Variants in LUZP2 observed in about 807,000 individuals in gnomAD.
LUZP2 encodes leucine zipper protein 2.
A neutral mutation model predicts 51.6 loss-of-function variants in LUZP2; 52 were observed. That is an observed-to-expected ratio of 1.01 (90% CI 0.81 to 1.27). The LOEUF (loss-of-function observed/expected upper bound fraction) is 1.27, where lower values mean the gene tolerates loss of function less well. LUZP2 is among the 50% of genes most tolerant of loss of function. The pLI is 0.00. For missense variants in LUZP2, 436 were observed against 395.4 expected, an observed-to-expected ratio of 1.10 and a Z score of -0.87; for synonymous variants, 154 against 137.3, an observed-to-expected ratio of 1.12 and a Z score of -0.85.
intron 1 of LUZP2, among the ~76,000 whole-genome samples, chr11:24,695,782 A>AT (rs1857227780): frequency 1.3e-5 from 2 of 152,096 alleles, no homozygotes; most frequent in Non-Finnish European, 2.9e-5. Context: ...TTAAATGCTA[A>AT]AATACATAAT....
chr11:24,763,297 C>G lies in LUZP2; in HGVS notation c.385C>G (p.Leu129Val). Reference protein sequence around the residue: ...VERKSKMIRDLQNENKSLKNK... With the variant: ...VERKSKMIRDVQNENKSLKNK... ...AAGAAAGAGCAAAATGATCCGAGACCTCCAGAATGAGGTAAGATATATTTC... is the reference window on the plus strand; with the variant it reads ...AAGAAAGAGCAAAATGATCCGAGACGTCCAGAATGAGGTAAGATATATTTC... Residue 129 changes from leucine (L) to valine (V), a missense_variant, in exon 5 of 12, where the codon CTC (leucine) becomes GTC (valine). Coordinates refer to ENST00000336930, the MANE Select transcript of LUZP2 (RefSeq NM_001009909.4). 1 of 1,377,398 alleles carries G rather than the reference C, an allele frequency of 7.3e-7. No individual in the cohort carries two copies. The highest frequency in any genetic ancestry group is 9.6e-7 in the Non-Finnish European group (1 of 1,040,180). 85.3% of individuals were successfully genotyped at this position (1,377,398 alleles called of 1,614,324 possible).
chr11:24,892,571 A>G (rs1229829145), intron 5 of LUZP2: 3 of 448,464 alleles, frequency 6.7e-6, no homozygotes, highest in Middle Eastern at 1.1e-3. Context: ...GATAAGCCCT[A>G]TGCTATTTCT....
At chr11:24,774,362 C>CTCTATATATATATATATATA (rs776739280) in intron 5 of LUZP2, among the ~76,000 whole-genome samples, 3 of 76,342 alleles carry the variant, frequency 3.9e-5, no homozygotes, top group African/African-American at 1.8e-4. Flanking sequence ...CTCTCTCTCT[C>CTCTATATATATATATATATA]TATATATATA....
At chr11:25,052,309 G>A (rs934052054) in intron 10 of LUZP2, among the ~76,000 whole-genome samples, 1 of 152,156 alleles carries the variant, frequency 6.6e-6, no homozygotes, top group African/African-American at 2.4e-5. Context: ...GTACTTCTTA[G>A]CTCTGTCTCC....
chr11:24,526,930 C>G (rs946317114), intron 1 of LUZP2, among the ~76,000 whole-genome samples: 2 of 151,322 alleles, frequency 1.3e-5, no homozygotes, highest in Non-Finnish European at 3.0e-5. Flanking sequence ...TCTAAGGGGT[C>G]TTAAACATGA....
chr11:24,784,273 C>A (rs889174588), intron 5 of LUZP2, among the ~76,000 whole-genome samples: 1 of 151,414 alleles, frequency 6.6e-6, no homozygotes, highest in Non-Finnish European at 1.5e-5. Flanking sequence ...AAGCTTAGAT[C>A]TTTTTATTTT....
intron 9 of LUZP2, among the ~76,000 whole-genome samples, chr11:24,988,904 G>T (rs952368856): frequency 6.6e-6 from 1 of 151,762 alleles, no homozygotes; most frequent in Admixed American, 6.6e-5. Context: ...TTTGTATTGT[G>T]TTGTGTCCTC....
chr11:24,725,764 A>C (rs1373457607), intron 1 of LUZP2, among the ~76,000 whole-genome samples: 1 of 152,184 alleles, frequency 6.6e-6, no homozygotes, highest in Non-Finnish European at 1.5e-5. Context: ...TCTCTAGTAC[A>C]TTAGATGTAA....
chr11:24,631,851 T>G (rs1854903294), intron 1 of LUZP2, among the ~76,000 whole-genome samples: 1 of 151,990 alleles, frequency 6.6e-6, no homozygotes, highest in African/African-American at 2.4e-5. Context: ...TATTACTGAT[T>G]CAATCCTTCT....
chr11:24,581,670 A>AAAATATAAATATAAATAT (rs11267210), intron 1 of LUZP2, among the ~76,000 whole-genome samples: 159 of 137,074 alleles, frequency 1.2e-3, no homozygotes, highest in Middle Eastern at 3.7e-3. Flanking sequence ...GACTCTGTCT[A>AAAATATAAATATAAATAT]AAATATAAAT....
At chr11:24,865,381 T>A (rs1851859282) in intron 5 of LUZP2, among the ~76,000 whole-genome samples, 1 of 152,204 alleles carries the variant, frequency 6.6e-6, no homozygotes, top group Non-Finnish European at 1.5e-5. Flanking sequence ...GTTCAAGTAG[T>A]CTTGTACAGA....
chr11:24,528,361 C>A (rs1445589065), intron 1 of LUZP2, among the ~76,000 whole-genome samples: 1 of 151,046 alleles, frequency 6.6e-6, no homozygotes, highest in African/African-American at 2.4e-5. Context: ...GATAAATTTA[C>A]AGAAATTACC....
chr11:24,774,871 G>T (rs1373581165), intron 5 of LUZP2, among the ~76,000 whole-genome samples: 1 of 145,180 alleles, frequency 6.9e-6, no homozygotes, highest in Non-Finnish European at 1.5e-5. Flanking sequence ...GAATATATAT[G>T]TATATTCTTT....
At chr11:24,508,988 G>A (rs1357907735) in intron 1 of LUZP2, among the ~76,000 whole-genome samples, 2 of 152,076 alleles carry the variant, frequency 1.3e-5, no homozygotes, top group Non-Finnish European at 2.9e-5. Flanking sequence ...ATTTTTGATG[G>A]CTAGATATTT....
chr11:24,518,660 T>A (rs770268353), intron 1 of LUZP2, among the ~76,000 whole-genome samples: 1 of 152,194 alleles, frequency 6.6e-6, no homozygotes, highest in Non-Finnish European at 1.5e-5. Context: ...TTCTTGATCT[T>A]TTCACTGTTT....
intron 4 of LUZP2, among the ~76,000 whole-genome samples, chr11:24,750,117 G>T (rs983500783): frequency 1.3e-5 from 2 of 152,168 alleles, no homozygotes; most frequent in Non-Finnish European, 2.9e-5. Flanking sequence ...AGAATACTCT[G>T]GATGTTATTC....
intron 1 of LUZP2, among the ~76,000 whole-genome samples, chr11:24,671,942 GA>G (rs955933197): frequency 2.0e-5 from 3 of 151,524 alleles, no homozygotes; most frequent in East Asian, 1.9e-4. Context: ...CTCTCAGTAG[GA>G]AAAAAAACCA....
At chr11:24,914,761 C>A (rs187763455) in intron 7 of LUZP2, among the ~76,000 whole-genome samples, 1 of 152,268 alleles carries the variant, frequency 6.6e-6, no homozygotes, top group African/African-American at 2.4e-5. Flanking sequence ...CTCATTCCAG[C>A]AGGTTAGGAG....
At chr11:24,656,602 C>A (rs950177651) in intron 1 of LUZP2, among the ~76,000 whole-genome samples, 1 of 152,114 alleles carries the variant, frequency 6.6e-6, no homozygotes, top group African/African-American at 2.4e-5. Flanking sequence ...AATCTTCTTC[C>A]GAGCTCCTTC....
Sources: allele counts gnomAD v4.1 joint callset (sites outside exome capture counted in the v4.1 genomes callset), GRCh38; gene constraint gnomAD v4.1.1; transcripts MANE v1.5; gene names NCBI Gene and HGNC (gene_info 2026-07-23, HGNC 2026-07-21).